IL24: variants seen among roughly 807,000 people sequenced by gnomAD.
IL24 encodes interleukin-24.
In IL24, 24 loss-of-function variants were observed where a neutral mutation model predicts 27.6. The ratio of observed to expected loss-of-function variants is 0.87; its 90% CI spans 0.63 to 1.22. IL24 has a LOEUF of 1.22. Among genes scored for constraint, IL24 ranks in the 50% most tolerant of loss-of-function variants. The probability of loss-of-function intolerance (pLI) is 0.00; values close to 1 mark genes in which losing one functional copy is unlikely to be tolerated. For synonymous variants in IL24, 99 were observed against 93.1 expected, an observed-to-expected ratio of 1.06 and a Z score of -0.36; for missense variants, 240 against 237.0, an observed-to-expected ratio of 1.01 and a Z score of -0.08.
Position 206,901,541 on chromosome 1 carries a change from G to T in IL24, c.351G>T (p.Leu117Phe). 1 of 1,614,122 alleles carries T rather than the reference G, an allele frequency of 6.2e-7. No individual in the cohort carries two copies. Residue 117 changes from leucine to phenylalanine, a missense_variant, in exon 5 of 7, where the codon TTG becomes TTT. Physicochemically the swap from Leu to Phe is conservative, Grantham distance 22. Coordinates refer to ENST00000294984, the MANE Select transcript of IL24 (RefSeq NM_006850.3). ...YLVHTLLEFY[L>F]KTVFKNYHNR... ...TCCACACCCTGCTGGAGTTCTACTT[G>T]AAAACTGTTTTCAAAAACTACCACA...
intron 2 of IL24, 102 bp downstream of exon 2, chr1:206,897,978 C>A: frequency 1.6e-6 from 1 of 627,740 alleles, no homozygotes; most frequent in Non-Finnish European, 2.7e-6. Flanking sequence ...CATGGTGAAA[C>A]CCTGTCTCTA....
At chr1:206,902,692 C>A (rs1164042237) in intron 6 of IL24, 32 of 985,310 alleles carry the variant, frequency 3.2e-5, no homozygotes, top group Non-Finnish European at 3.9e-5. Flanking sequence ...TGGGCCATAT[C>A]CATCCCATAC....
rs113849588 is a variant in IL24 at position 206,897,481 on chromosome 1, G to A, written c.-237G>A. The A allele has an allele frequency of 2.1e-3, 358 of 170,898 alleles. 2 individuals are homozygous for A. The highest frequency in any genetic ancestry group is 0.021 in the East Asian group (136 of 6,610). The allele number at this position is 170,898 out of a possible 1,614,324, so 10.6% of individuals were successfully genotyped here. A position where few individuals can be genotyped will look rare whatever the true frequency, so the allele number is the denominator to read the frequency against. On this transcript the variant is annotated 5_prime_UTR_variant, in exon 1 of 7. Transcript: ENST00000294984. ...CCTTTACTTCTGAAATGACTTCCACGGCTGGGACGGGAACCTTCCACCCAC... is the reference window on the plus strand; with the variant it reads ...CCTTTACTTCTGAAATGACTTCCACAGCTGGGACGGGAACCTTCCACCCAC...
Position 206,900,299 on chromosome 1 carries a change from C to A in IL24, c.245C>A (p.Ala82Asp). ...AFWAVKDTMQ[A>D]QDNITSARLL... is the part of the protein sequence containing the mutation. Reference sequence around the variant, plus strand: ...CTTTTCTTTCTGTTTGCCAAGCAAGCTCAGGATAACATCACGAGTGCCCGG... The same window carrying A: ...CTTTTCTTTCTGTTTGCCAAGCAAGATCAGGATAACATCACGAGTGCCCGG... The change falls in exon 4 of 7, where the codon GCT (alanine) becomes GAT (aspartate). Residue 82 changes from alanine (A) to aspartate (D), a missense_variant. Coordinates refer to ENST00000294984, the MANE Select transcript of IL24 (RefSeq NM_006850.3). 6.2e-7 allele frequency: 1 copy of A among 1,613,604 alleles called. No individual in the cohort carries two copies. The highest frequency in any genetic ancestry group is 8.5e-7 in the Non-Finnish European group (1 of 1,179,818).
chr1:206,903,584 GT>G lies in IL24; in HGVS notation c.*526del. 1 of 154,642 alleles carries G rather than the reference GT, an allele frequency of 6.5e-6. No individual in the cohort carries two copies. The highest frequency in any genetic ancestry group is 2.0e-4 in the South Asian group (1 of 5,014). The allele number at this position is 154,642 out of a possible 1,614,324, so 9.6% of individuals were successfully genotyped here. A position where few individuals can be genotyped will look rare whatever the true frequency, so the allele number is the denominator to read the frequency against. On this transcript the variant is annotated 3_prime_UTR_variant, in exon 7 of 7. Transcript: ENST00000294984. ...ATATCTGCAGGGACAGAGCATTGGG[GT>G]GGGGGTAAGGTGCATCTGTTTGAAA...
rs1678498911 is a variant in IL24 at position 206,903,809 on chromosome 1, G to C, written c.*750G>C. On this transcript the variant is annotated 3_prime_UTR_variant, in exon 7 of 7. Transcript: ENST00000294984. The stretch of plus-strand genomic sequence containing the variant: ...CTTGCTGATGGTGACATTGCACCTG[G>C]ATGTACTATCCAATCTGTGATGACA... 6.6e-6 allele frequency: 1 copy of C among 152,134 alleles called. No individual in the cohort carries two copies. Among genetic ancestry groups the C allele is most frequent in the Non-Finnish European group, 1.5e-5 (1 of 68,046 alleles). The allele number at this position is 152,134 out of a possible 1,614,324, so 9.4% of individuals were successfully genotyped here.
chr1:206,899,468 G>A lies in IL24; in HGVS notation c.193G>A (p.Val65Ile), dbSNP rs763613487. Residue 65 changes from valine to isoleucine, a missense_variant, in exon 3 of 7, where the codon GTT becomes ATT. Val to Ile is a conservative substitution (Grantham distance 29, BLOSUM62 3). Coordinates refer to ENST00000294984, the MANE Select transcript of IL24 (RefSeq NM_006850.3). ...HFGPCQVKGV[V>I]PQKLWEAFWA... is the part of the protein sequence containing the mutation. ...TGGGCCCTGCCAAGTGAAGGGGGTT[G>A]TTCCCCAGAAACTGTGGGAAGCCTT... 1.9e-6 allele frequency: 3 copies of A among 1,613,364 alleles called. No homozygotes were observed. The South Asian group carries it at 3.3e-5, about 18-fold the overall frequency.
chr1:206,902,241 G>A (rs1572607977), intron 6 of IL24, 169 bp downstream of exon 6: 5 of 985,362 alleles, frequency 5.1e-6, no homozygotes, highest in Non-Finnish European at 6.0e-6. Context: ...CAGAAGCATC[G>A]TAAACTAAGT....
intron 5 of IL24, 122 bp from the exon 6 acceptor site, chr1:206,901,876 A>C: frequency 9.8e-7 from 1 of 1,024,690 alleles, no homozygotes; most frequent in South Asian, 1.5e-5. Flanking sequence ...TGGGGAATGC[A>C]GGATTCAGCC....
At chr1:206,902,662 T>G in intron 6 of IL24, 1 of 985,384 alleles carries the variant, frequency 1.0e-6, no homozygotes, top group Non-Finnish European at 1.2e-6. Flanking sequence ...TCATTTCACC[T>G]GTGCAGTGGA....
At chr1:206,898,007 A>T (rs1678225411) in intron 2 of IL24, 131 bp downstream of exon 2, 3 of 528,342 alleles carry the variant, frequency 5.7e-6, no homozygotes, top group Non-Finnish European at 1.0e-5. Flanking sequence ...ACAAAAAAAA[A>T]TTAGTTGGGC....
intron 3 of IL24, among the ~76,000 whole-genome samples, chr1:206,899,991 G>T (rs1003818050): frequency 2.0e-5 from 3 of 152,196 alleles, no homozygotes; most frequent in Non-Finnish European, 4.4e-5. Context: ...CATCTCAAAT[G>T]ACCAGAGGCA....
chr1:206,903,032 C>G lies in IL24; in HGVS notation c.594C>G (p.Thr198=). ...TTGGGGAAGTGGACATTCTTCTGAC[C>G]TGGATGCAGAAATTCTACAAGCTCT... The part of the protein sequence containing the change: ...KALGEVDILL[T]WMQKFYKL Residue 198 remains threonine, a synonymous_variant, in exon 7 of 7, where the codon ACC becomes ACG. Coordinates refer to ENST00000294984, the MANE Select transcript of IL24 (RefSeq NM_006850.3). 1 of 1,614,146 alleles carries G rather than the reference C, an allele frequency of 6.2e-7. No homozygotes were observed.
chr1:206,899,513 A>C lies in IL24; in HGVS notation c.238A>C (p.Met80Leu), dbSNP rs1678295033. 1 of 1,593,494 alleles carries C rather than the reference A, an allele frequency of 6.3e-7. No homozygotes were observed. The part of the protein sequence containing the change: ...WEAFWAVKDT[M>L]QAQDNITSAR... Reference sequence around the variant, plus strand: ...AGCCTTCTGGGCTGTGAAAGACACTATGGTGAGTAAAGTGCTGTTCTGGAC... The same window carrying C: ...AGCCTTCTGGGCTGTGAAAGACACTCTGGTGAGTAAAGTGCTGTTCTGGAC... Residue 80 changes from methionine to leucine, a missense_variant and splice_region_variant, in exon 3 of 7, where the codon ATG becomes CTG. Physicochemically the swap from Met to Leu is conservative, Grantham distance 15 (BLOSUM62 2). Transcript: ENST00000294984.
At chr1:206,902,185 C>A in intron 6 of IL24, 113 bp downstream of exon 6, 1 of 1,476,762 alleles carries the variant, frequency 6.8e-7, no homozygotes, top group Non-Finnish European at 9.0e-7. Flanking sequence ...ACACCATCAG[C>A]TTTGCTCCAA....
At chr1:206,902,907 AT>A (rs1006423399) in intron 6 of IL24, 68 bp from the exon 7 acceptor site, 50 of 1,612,214 alleles carry the variant, frequency 3.1e-5, no homozygotes, top group Non-Finnish European at 4.0e-5. Context: ...TATTTTAGGC[AT>A]GGCAGGTTGG....
intron 1 of IL24, 22 bp downstream of exon 1, chr1:206,897,637 T>C (rs1168998090): frequency 1.3e-5 from 6 of 470,594 alleles, no homozygotes; most frequent in Non-Finnish European, 2.3e-5. Context: ...GGATTCTTGG[T>C]TACTTTTTTT....
Position 206,903,228 on chromosome 1 carries a change from A to G in IL24, c.*169A>G, listed in dbSNP as rs1360503923. ...AGTCATTCTTTAAGCAGCGCCAGTG[A>G]CAGTCAGGGAAGGTGCCTCTGGATG... On this transcript the variant is annotated 3_prime_UTR_variant, in exon 7 of 7. Transcript: ENST00000294984. The G allele has an allele frequency of 1.1e-5, 7 of 610,856 alleles. No individual in the cohort carries two copies. Among genetic ancestry groups the G allele is most frequent in the Non-Finnish European group, 2.1e-5 (7 of 340,434 alleles). 37.8% of individuals were successfully genotyped at this position (610,856 alleles called of 1,614,324 possible). A position where few individuals can be genotyped will look rare whatever the true frequency, so the allele number is the denominator to read the frequency against.
Position 206,902,090 on chromosome 1 carries a change from G to A in IL24, c.537+18G>A. On this transcript the variant is annotated intron_variant, in intron 6 of 6. Coordinates refer to ENST00000294984, the MANE Select transcript of IL24 (RefSeq NM_006850.3). ...TCAAACAGGTAAGGCCAAGAGCTGA[G>A]AGCTTGCCCATCCAGCAGAATAGAC... 6.2e-7 allele frequency: 1 copy of A among 1,613,878 alleles called. No individual in the cohort carries two copies. Among genetic ancestry groups the A allele is most frequent in the Non-Finnish European group, 8.5e-7 (1 of 1,180,004 alleles).
Sources: allele counts gnomAD v4.1 joint callset (sites outside exome capture counted in the v4.1 genomes callset), GRCh38; gene constraint gnomAD v4.1.1; transcripts MANE v1.5; gene names NCBI Gene and HGNC (gene_info 2026-07-23, HGNC 2026-07-21).